GPC5: variants seen among roughly 807,000 people sequenced by gnomAD.
GPC5 encodes glypican-5.
In GPC5, 47 loss-of-function variants were observed where a neutral mutation model predicts 53.9. The ratio of observed to expected loss-of-function variants is 0.87; its 90% confidence interval spans 0.69 to 1.11. GPC5 has a LOEUF of 1.11. Ranked by LOEUF, GPC5 falls within the 50% of genes most tolerant of loss-of-function variation. The pLI is 0.00. For synonymous variants in GPC5, 286 were observed against 263.3 expected, an observed-to-expected ratio of 1.09 and a Z score of -0.84; for missense variants, 748 against 713.1, an observed-to-expected ratio of 1.05 and a Z score of -0.56.
intron 2 of GPC5, among the ~76,000 whole-genome samples, chr13:91,465,677 A>C (rs1882192402): frequency 6.6e-6 from 1 of 152,146 alleles, no homozygotes; most frequent in Admixed American, 6.6e-5. Flanking sequence ...TTGTATTGAA[A>C]TGTCAAAATA....
At chr13:91,988,772 C>CTGGAAATTTGTTA (rs2040431477) in intron 6 of GPC5, among the ~76,000 whole-genome samples, 1 of 149,620 alleles carries the variant, frequency 6.7e-6, no homozygotes, top group East Asian at 1.9e-4. Context: ...GGTCTGTTAT[C>CTGGAAATTTGTTA]TGGAAATTTG....
At chr13:91,577,401 A>G (rs2032177057) in intron 2 of GPC5, among the ~76,000 whole-genome samples, 1 of 152,176 alleles carries the variant, frequency 6.6e-6, no homozygotes, top group South Asian at 2.1e-4. Flanking sequence ...TCTACCTTCC[A>G]GAGACTCAGT....
At chr13:92,342,772 C>A (rs1184360649) in intron 7 of GPC5, among the ~76,000 whole-genome samples, 2 of 152,080 alleles carry the variant, frequency 1.3e-5, no homozygotes, top group African/African-American at 4.8e-5. Flanking sequence ...CATTAATTCT[C>A]ATTGTTTTTA....
At chr13:92,069,403 C>A (rs903324441) in intron 6 of GPC5, among the ~76,000 whole-genome samples, 2 of 124,756 alleles carry the variant, frequency 1.6e-5, no homozygotes, top group Non-Finnish European at 3.3e-5. Context: ...ATAATGTGTG[C>A]GTGCATGTGT....
chr13:91,437,559 G>A (rs573834607), intron 1 of GPC5, among the ~76,000 whole-genome samples: 5 of 152,320 alleles, frequency 3.3e-5, no homozygotes, highest in Admixed American at 1.3e-4. Context: ...GATATCAGCT[G>A]TTAGTCTGAT....
At chr13:92,553,075 C>T (rs897748565) in intron 7 of GPC5, among the ~76,000 whole-genome samples, 2 of 151,894 alleles carry the variant, frequency 1.3e-5, no homozygotes, top group Non-Finnish European at 1.5e-5. Flanking sequence ...ATCATTTCCA[C>T]CCATGAGCAA....
chr13:92,669,619 C>T (rs527870609), intron 7 of GPC5, among the ~76,000 whole-genome samples: 3 of 152,282 alleles, frequency 2.0e-5, no homozygotes, highest in Admixed American at 2.0e-4. Flanking sequence ...GAATTGTCCC[C>T]AGGTCCCAAT....
intron 4 of GPC5, among the ~76,000 whole-genome samples, chr13:91,743,890 T>C (rs1336231953): frequency 6.6e-6 from 1 of 152,144 alleles, no homozygotes; most frequent in Admixed American, 6.6e-5. Context: ...TAGGCTCATA[T>C]TTGTAGAGCT....
At chr13:92,595,901 C>G (rs1042524787) in intron 7 of GPC5, among the ~76,000 whole-genome samples, 4 of 151,956 alleles carry the variant, frequency 2.6e-5, no homozygotes, top group Admixed American at 2.0e-4. Flanking sequence ...CCCCTGAGCT[C>G]TATCAAAATC....
At chr13:92,227,576 T>C (rs1157840598) in intron 7 of GPC5, among the ~76,000 whole-genome samples, 1 of 152,100 alleles carries the variant, frequency 6.6e-6, no homozygotes, top group East Asian at 1.9e-4. Context: ...TGAAAGACAG[T>C]TATCAAAAGA....
intron 6 of GPC5, among the ~76,000 whole-genome samples, chr13:91,978,117 G>A (rs1158363887): frequency 6.6e-6 from 1 of 152,130 alleles, no homozygotes; most frequent in Non-Finnish European, 1.5e-5. Flanking sequence ...AGCCATGATC[G>A]TGCCACTGCA....
chr13:92,172,517 C>A (rs552691251), intron 7 of GPC5, among the ~76,000 whole-genome samples: 4 of 152,072 alleles, frequency 2.6e-5, no homozygotes, highest in African/African-American at 9.7e-5. Context: ...TGAAAGAGTT[C>A]TAGAGAGTAA....
intron 6 of GPC5, among the ~76,000 whole-genome samples, chr13:91,981,480 T>A (rs747359393): frequency 6.6e-6 from 1 of 152,092 alleles, no homozygotes; most frequent in East Asian, 1.9e-4. Context: ...TAGTACAGAC[T>A]GGGTTTCACC....
At chr13:92,445,294 A>AT (rs954784630) in intron 7 of GPC5, among the ~76,000 whole-genome samples, 51 of 123,102 alleles carry the variant, frequency 4.1e-4, no homozygotes, top group South Asian at 3.8e-3. Flanking sequence ...TCTTTTTGTG[A>AT]TTTTTTTTGT....
chr13:92,674,557 T>A (rs531947961), intron 7 of GPC5, among the ~76,000 whole-genome samples: 2 of 18,836 alleles, frequency 1.1e-4, no homozygotes, highest in African/African-American at 2.6e-4. Flanking sequence ...AGGAGCTTCA[T>A]GAAGCTCTTC....
At chr13:92,177,860 C>T (rs1396274080) in intron 7 of GPC5, among the ~76,000 whole-genome samples, 1 of 152,084 alleles carries the variant, frequency 6.6e-6, no homozygotes, top group African/African-American at 2.4e-5. Flanking sequence ...CTTCGATATA[C>T]CATTATTTTT....
intron 7 of GPC5, among the ~76,000 whole-genome samples, chr13:92,401,252 T>C (rs2139336828): frequency 6.6e-6 from 1 of 152,114 alleles, no homozygotes; most frequent in African/African-American, 2.4e-5. Context: ...TTAAGTTCTT[T>C]ATGGAAATGA....
chr13:91,770,504 A>G (rs1279850825), intron 5 of GPC5, among the ~76,000 whole-genome samples: 1 of 152,178 alleles, frequency 6.6e-6, no homozygotes, highest in Non-Finnish European at 1.5e-5. Context: ...TCATTAGAAA[A>G]AAAGATGCTC....
At chr13:92,329,998 A>G (rs1020548316) in intron 7 of GPC5, among the ~76,000 whole-genome samples, 1 of 130,516 alleles carries the variant, frequency 7.7e-6, no homozygotes, top group African/African-American at 3.0e-5. Context: ...AGTTATACAA[A>G]CAAAACTTTT....
Sources: gnomAD v4.1 joint callset for allele counts (sites outside exome capture counted in the v4.1 genomes callset) on GRCh38, gnomAD v4.1.1 for gene constraint, MANE v1.5 for transcripts, NCBI Gene and HGNC (gene_info 2026-07-23, HGNC 2026-07-21) for gene names.